DLC1: variants seen among roughly 807,000 people sequenced by gnomAD.
DLC1 encodes rho GTPase-activating protein 7.
In DLC1, 54 loss-of-function variants were observed where a neutral mutation model predicts 140.3. The ratio of observed to expected loss-of-function variants is 0.38; its 90% CI spans 0.31 to 0.48. DLC1 has a LOEUF of 0.48. Ranked by LOEUF, DLC1 falls within the 20% of genes least tolerant of loss-of-function variation. The pLI is 0.96. For synonymous variants in DLC1, 986 were observed against 728.1 expected (o/e 1.35, Z -5.70); for missense variants, 2,536 against 1,907.0 (o/e 1.33, Z -6.14).
At chr8:13,574,575 GTACATAAT>G (rs1457660315) in intron 1 of DLC1, among the ~76,000 whole-genome samples, 1 of 151,942 alleles carries the variant, frequency 6.6e-6, no homozygotes, top group East Asian at 1.9e-4. Context: ...TAGCCACTTA[GTACATAAT>G]TATACAAATG....
intron 2 of DLC1, among the ~76,000 whole-genome samples, chr8:13,467,839 C>G (rs571315020): frequency 6.6e-6 from 1 of 152,088 alleles, no homozygotes; most frequent in Non-Finnish European, 1.5e-5. Context: ...AAGTATTATA[C>G]AAATTTTAAA....
At chr8:13,307,557 T>A (rs1169210378) in intron 4 of DLC1, among the ~76,000 whole-genome samples, 2 of 151,142 alleles carry the variant, frequency 1.3e-5, no homozygotes, top group African/African-American at 4.9e-5. Context: ...TGATTGGGGG[T>A]TTTAAAATAC....
At chr8:13,380,760 C>T (rs980288774) in intron 4 of DLC1, among the ~76,000 whole-genome samples, 8 of 152,106 alleles carry the variant, frequency 5.3e-5, no homozygotes, top group Non-Finnish European at 8.8e-5. Context: ...GGGACAAATT[C>T]GATATCAAAG....
intron 5 of DLC1, among the ~76,000 whole-genome samples, chr8:13,298,553 A>G (rs13250693): frequency 6.6e-6 from 1 of 152,232 alleles, no homozygotes; most frequent in African/African-American, 2.4e-5. Context: ...AATATTCTTA[A>G]CCTAGAAAAG....
intron 1 of DLC1, among the ~76,000 whole-genome samples, chr8:13,544,343 A>G (rs945709209): frequency 2.0e-5 from 3 of 152,156 alleles, no homozygotes; most frequent in Non-Finnish European, 4.4e-5. Flanking sequence ...GATTGTTCTC[A>G]TATCTTATTA....
chr8:13,549,591 G>T (rs1025071181), intron 1 of DLC1, among the ~76,000 whole-genome samples: 2 of 152,068 alleles, frequency 1.3e-5, no homozygotes, highest in African/African-American at 4.8e-5. Flanking sequence ...TCCAAAAAAA[G>T]CTGATACATT....
chr8:13,568,668 A>T (rs1024476603), intron 1 of DLC1, among the ~76,000 whole-genome samples: 5 of 152,234 alleles, frequency 3.3e-5, no homozygotes, highest in African/African-American at 4.8e-5. Context: ...AAACCTGCAG[A>T]AAAGATTGTG....
chr8:13,590,341 G>T (rs144394057), intron 1 of DLC1, among the ~76,000 whole-genome samples: 5 of 151,864 alleles, frequency 3.3e-5, no homozygotes, highest in Non-Finnish European at 7.4e-5. Context: ...ATATCACCTA[G>T]GTTTCACCAA....
rs972268916 is a variant in DLC1 at position 13,483,358 on chromosome 8, G to A, written c.1023+15691C>T. Among the ~76,000 whole-genome samples, 3 of 152,256 alleles carry A rather than the reference G, an allele frequency of 2.0e-5. No homozygotes were observed. In the East Asian group the frequency reaches 5.8e-4, roughly 29 times the overall value. ...GTTACAATGTGCATGTACCTTTTGA[G>A]GGGCCACAATTCAATCACTACAGTA... On this transcript the variant is annotated intron_variant, in intron 2 of 17. Transcript: ENST00000276297.
chr8:13,453,637 C>G (rs1458902297), intron 2 of DLC1, among the ~76,000 whole-genome samples: 1 of 140,896 alleles, frequency 7.1e-6, no homozygotes, highest in Non-Finnish European at 1.5e-5. Context: ...CTTAAGGAAG[C>G]AATCTCTCAT....
chr8:13,348,188 G>A (rs1038385560), intron 4 of DLC1, among the ~76,000 whole-genome samples: 1 of 152,324 alleles, frequency 6.6e-6, no homozygotes, highest in Non-Finnish European at 1.5e-5. Context: ...TGTGGAGGGA[G>A]AGAAAAAGGG....
rs67684524 is a variant in DLC1, at chr8:13,139,288, CAAAAAAAAAAAAA to C, written c.1349-23644_1349-23632del. Among the ~76,000 whole-genome samples, 216 of 49,306 alleles carry C rather than the reference CAAAAAAAAAAAAA, an allele frequency of 4.4e-3. 1 individual carries two copies. The highest frequency in any genetic ancestry group is 0.012 in the African/African-American group (164 of 14,064). The allele number at this position is 49,306 out of a possible 152,430, so 32.3% of individuals were successfully genotyped here. Reference sequence around the variant, plus strand: ...TGGGCCACAGAGTGAGACCCTGTCTCAAAAAAAAAAAAAAAAAAAAAAAAAAAAAAAGGAAAAG... The same window carrying C: ...TGGGCCACAGAGTGAGACCCTGTCTCAAAAAAAAAAAAAAAAAAGGAAAAG... On this transcript the variant is annotated intron_variant, in intron 5 of 17. Transcript: ENST00000276297.
intron 2 of DLC1, among the ~76,000 whole-genome samples, chr8:13,468,902 C>T (rs1800077138): frequency 7.2e-6 from 1 of 138,628 alleles, no homozygotes; most frequent in Non-Finnish European, 1.5e-5. Flanking sequence ...TTCACTGCAA[C>T]CTCGGCCTCC....
At chr8:13,384,312 A>C (rs574690443) in intron 4 of DLC1, among the ~76,000 whole-genome samples, 2 of 143,492 alleles carry the variant, frequency 1.4e-5, no homozygotes, top group Non-Finnish European at 3.1e-5. Context: ...CTCCCACCCC[A>C]CAATCTTCCC....
intron 5 of DLC1, among the ~76,000 whole-genome samples, chr8:13,189,224 A>G (rs558030397): frequency 1.3e-5 from 2 of 152,304 alleles, no homozygotes; most frequent in African/African-American, 4.8e-5. Flanking sequence ...TTAAGGTTAT[A>G]TACAGATTCA....
At chr8:13,248,720 C>T (rs1436318976) in intron 5 of DLC1, among the ~76,000 whole-genome samples, 1 of 152,146 alleles carries the variant, frequency 6.6e-6, no homozygotes, top group Admixed American at 6.5e-5. Context: ...CTCATCCTTC[C>T]ATCCCATGTC....
At chr8:13,518,503 T>C (rs765720556), upstream of DLC1, among the ~76,000 whole-genome samples, 5 of 152,222 alleles carry the variant, frequency 3.3e-5, no homozygotes, top group Non-Finnish European at 7.3e-5. Context: ...TTCAGGAAAG[T>C]TGAATCTGGA....
chr8:13,428,920 C>T (rs1046626743), intron 2 of DLC1, among the ~76,000 whole-genome samples: 5 of 152,130 alleles, frequency 3.3e-5, no homozygotes, highest in Non-Finnish European at 7.3e-5. Context: ...TACAGGGCAA[C>T]CTGGTGGGGT....
intron 5 of DLC1, among the ~76,000 whole-genome samples, chr8:13,285,677 T>C (rs1210972502): frequency 6.6e-6 from 1 of 152,150 alleles, no homozygotes; most frequent in Non-Finnish European, 1.5e-5. Flanking sequence ...GTGGAGCAAC[T>C]GGGATACTTA....
Sources: allele counts gnomAD v4.1 joint callset (sites outside exome capture counted in the v4.1 genomes callset), GRCh38; gene constraint gnomAD v4.1.1; transcripts MANE v1.5; gene names NCBI Gene and HGNC (gene_info 2026-07-23, HGNC 2026-07-21).